MAP3K9: variants seen among roughly 807,000 people sequenced by gnomAD.
MAP3K9 encodes mixed lineage kinase 1 (tyr and ser/thr specificity).
MAP3K9 carries 46 observed loss-of-function variants against 95.8 expected under a neutral mutation model. The ratio of observed to expected loss-of-function variants is 0.48; its 90% CI spans 0.38 to 0.61. MAP3K9 has a LOEUF of 0.61. MAP3K9 is among the 20% of genes least tolerant of loss of function. The pLI, the probability that MAP3K9 is intolerant of heterozygous loss-of-function variation, is 0.00. For synonymous variants in MAP3K9, 533 were observed against 593.8 expected (o/e 0.90, Z 1.49); for missense variants, 1,296 against 1,474.3 (o/e 0.88, Z 1.98).
At position 70,772,838 on chromosome 14, in the gene MAP3K9, A is replaced by T. The variant is rs536850134; in HGVS notation, c.821-11656T>A. On this transcript the variant is annotated intron_variant, in intron 2 of 11. Coordinates refer to ENST00000554752, the MANE Select transcript of MAP3K9 (RefSeq NM_001284230.2). Reference sequence around the variant, plus strand: ...CTCATCAATACGGAAAGTAGGTACTATAACTATGCCCACTTTCAGATATGG... The same window carrying T: ...CTCATCAATACGGAAAGTAGGTACTTTAACTATGCCCACTTTCAGATATGG... Among the ~76,000 whole-genome samples the T allele has an allele frequency of 5.3e-5, 8 of 152,338 alleles. No homozygotes were observed. The South Asian group carries it at 1.7e-3, about 32-fold the overall frequency.
intron 2 of MAP3K9, among the ~76,000 whole-genome samples, chr14:70,764,935 A>G (rs781687728): frequency 1.3e-5 from 2 of 152,190 alleles, no homozygotes; most frequent in African/African-American, 2.4e-5. Context: ...CAGTGTGTTT[A>G]TGTTAAGCTC....
At chr14:70,798,540 G>A (rs932866474) in intron 2 of MAP3K9, among the ~76,000 whole-genome samples, 6 of 139,106 alleles carry the variant, frequency 4.3e-5, no homozygotes, top group South Asian at 2.5e-4. Flanking sequence ...GTGCAGTGGC[G>A]GGATCTCGGC....
intron 3 of MAP3K9, chr14:70,752,799 C>G (rs574613963): frequency 6.6e-6 from 1 of 152,292 alleles, no homozygotes; most frequent in South Asian, 2.1e-4. Flanking sequence ...CCTTCTGTGA[C>G]AGTTTTCACA....
chr14:70,742,145 T>C (rs1186125306), intron 6 of MAP3K9, among the ~76,000 whole-genome samples: 2 of 152,178 alleles, frequency 1.3e-5, no homozygotes, highest in Non-Finnish European at 2.9e-5. Flanking sequence ...TATTCTGTGT[T>C]CACTCACATG....
Position 70,773,364 on chromosome 14 carries a change from T to C in MAP3K9, c.821-12182A>G, listed in dbSNP as rs147707351. On this transcript the variant is annotated intron_variant, in intron 2 of 11. Transcript: ENST00000554752. ...AAATTGAAAACACAGCAGAAAGGGA[T>C]TGCTACATTAGCAATCCTGGCAGCA... Among the ~76,000 whole-genome samples the C allele has an allele frequency of 5.1e-4, 78 of 152,146 alleles. 3 individuals are homozygous for C. The Middle Eastern group carries it at 0.02, about 40-fold the overall frequency.
At chr14:70,794,902 C>T (rs990554557) in intron 2 of MAP3K9, among the ~76,000 whole-genome samples, 7 of 151,104 alleles carry the variant, frequency 4.6e-5, no homozygotes, top group Admixed American at 6.6e-5. Flanking sequence ...TGGTCTCGAT[C>T]TCCTGACCTC....
intron 2 of MAP3K9, chr14:70,783,244 A>G: frequency 1.4e-5 from 14 of 983,976 alleles, no homozygotes; most frequent in Non-Finnish European, 1.7e-5. Flanking sequence ...CCAGGACAGT[A>G]CTGTGTCCAA....
chr14:70,779,761 C>T (rs1310389665), intron 2 of MAP3K9, among the ~76,000 whole-genome samples: 1 of 152,236 alleles, frequency 6.6e-6, no homozygotes, highest in Non-Finnish European at 1.5e-5. Flanking sequence ...AGATGCAATT[C>T]CACAGTTCTG....
At chr14:70,791,713 AG>A (rs922442598) in intron 2 of MAP3K9, among the ~76,000 whole-genome samples, 1 of 152,194 alleles carries the variant, frequency 6.6e-6, no homozygotes, top group African/African-American at 2.4e-5. Context: ...AGAATTCTCC[AG>A]CACTCCTCTC....
intron 3 of MAP3K9, among the ~76,000 whole-genome samples, chr14:70,751,801 C>T (rs1043523231): frequency 2.6e-5 from 4 of 152,192 alleles, no homozygotes; most frequent in African/African-American, 9.7e-5. Flanking sequence ...ACTTTACAAA[C>T]ATCACTGTGA....
chr14:70,795,003 T>TTTTTTTTTTTTTTTTTTTTTTTG (rs1355629950), intron 2 of MAP3K9, among the ~76,000 whole-genome samples: 1 of 138,340 alleles, frequency 7.2e-6, no homozygotes, highest in African/African-American at 2.7e-5. Flanking sequence ...TTTTTTTTTT[T>TTTTTTTTTTTTTTTTTTTTTTTG]TTTTTTTTGA....
intron 2 of MAP3K9, among the ~76,000 whole-genome samples, chr14:70,771,012 G>A (rs553213985): frequency 6.6e-6 from 1 of 151,350 alleles, no homozygotes; most frequent in South Asian, 2.1e-4. Context: ...TCAAGTGGCT[G>A]CATAAAGTAG....
chr14:70,805,146 A>G (rs1199045142), intron 1 of MAP3K9, among the ~76,000 whole-genome samples: 1 of 152,232 alleles, frequency 6.6e-6, no homozygotes, highest in Non-Finnish European at 1.5e-5. Context: ...TTCCATTTTT[A>G]AAGTCAAGAT....
chr14:70,742,215 TG>T, intron 6 of MAP3K9, 135 bp downstream of exon 6: 5 of 1,173,764 alleles, frequency 4.3e-6, no homozygotes, highest in Non-Finnish European at 6.0e-6. Context: ...GTGAACAGAA[TG>T]GCCCATTTAA....
At position 70,778,184 on chromosome 14, in the gene MAP3K9, C is replaced by T. The variant is rs542645351; in HGVS notation, c.821-17002G>A. Among the ~76,000 whole-genome samples, 20 of 152,108 alleles carry T rather than the reference C, an allele frequency of 1.3e-4. 1 individual carries two copies. The South Asian group carries it at 4.0e-3, about 30-fold the overall frequency. ...GTGGTATAATCTCAGCTCACTGCAACCTCTGCCCCCTGCTGCCTTGGGCTC... is the reference window on the plus strand; with the variant it reads ...GTGGTATAATCTCAGCTCACTGCAATCTCTGCCCCCTGCTGCCTTGGGCTC... On this transcript the variant is annotated intron_variant, in intron 2 of 11. Transcript: ENST00000554752.
At chr14:70,778,879 C>T (rs557479396) in intron 2 of MAP3K9, among the ~76,000 whole-genome samples, 1 of 152,316 alleles carries the variant, frequency 6.6e-6, no homozygotes, top group Admixed American at 6.5e-5. Context: ...TACCCTACCC[C>T]GTCCACCCAT....
chr14:70,747,938 C>T (rs1372035051), intron 5 of MAP3K9, among the ~76,000 whole-genome samples: 2 of 151,996 alleles, frequency 1.3e-5, no homozygotes, highest in East Asian at 1.9e-4. Context: ...GAAACCCCAT[C>T]TCAACTAAAA....
chr14:70,794,588 G>C (rs1015236025), intron 2 of MAP3K9, among the ~76,000 whole-genome samples: 4 of 151,816 alleles, frequency 2.6e-5, no homozygotes, highest in Admixed American at 1.3e-4. Context: ...TATTATCTAG[G>C]GGTAAAAATA....
chr14:70,806,016 C>T lies in MAP3K9; in HGVS notation c.406+2750G>A, dbSNP rs1237448696. Among the ~76,000 whole-genome samples, 2 of 152,220 alleles carry T rather than the reference C, an allele frequency of 1.3e-5. 1 individual carries two copies. The highest frequency in any genetic ancestry group is 3.8e-4 in the East Asian group (2 of 5,204). On this transcript the variant is annotated intron_variant, in intron 1 of 11. Transcript: ENST00000554752. ...GCAATAATATGAAACTAAAGCTGAA[C>T]AGTATTGCTTGACTTAATGTCTTCT...
Sources: allele counts gnomAD v4.1 joint callset (sites outside exome capture counted in the v4.1 genomes callset), GRCh38; gene constraint gnomAD v4.1.1; transcripts MANE v1.5; gene names NCBI Gene and HGNC (gene_info 2026-07-23, HGNC 2026-07-21).